Variants in TLCD4 observed in about 807,000 individuals in gnomAD.
TLCD4 encodes the protein TLC domain containing 4, also known as TLC domain-containing protein 4.
A neutral mutation model predicts 24.2 loss-of-function variants in TLCD4; 7 were observed. The ratio of observed to expected loss-of-function variants is 0.29; its 90% CI spans 0.16 to 0.54. The LOEUF is 0.54. Among genes scored for constraint, TLCD4 ranks in the 20% least tolerant of loss-of-function variants. The pLI is 0.95. For synonymous variants in TLCD4, 103 were observed against 106.4 expected, an observed-to-expected ratio of 0.97 and a Z score of 0.20; for missense variants, 259 against 313.9, an observed-to-expected ratio of 0.82 and a Z score of 1.32.
At chr1:95,149,915 T>G (rs1345320808) in intron 3 of TLCD4, among the ~76,000 whole-genome samples, 1 of 152,186 alleles carries the variant, frequency 6.6e-6, no homozygotes, top group East Asian at 1.9e-4. Flanking sequence ...TATTAAATAT[T>G]TGTAGTCCAG....
chr1:95,184,211 T>C (rs1678750842), intron 6 of TLCD4, among the ~76,000 whole-genome samples: 1 of 152,200 alleles, frequency 6.6e-6, no homozygotes, highest in Non-Finnish European at 1.5e-5. Flanking sequence ...CTTAAAATTC[T>C]CTTCATTCCT....
intron 5 of TLCD4, among the ~76,000 whole-genome samples, chr1:95,168,634 C>T (rs1557692363): frequency 7.0e-6 from 1 of 142,600 alleles, no homozygotes; most frequent in Non-Finnish European, 1.5e-5. Context: ...AATGATCCTC[C>T]TGCCTCTGCT....
At chr1:95,114,564 G>T (rs1676393986), upstream of TLCD4, among the ~76,000 whole-genome samples, 1 of 152,102 alleles carries the variant, frequency 6.6e-6, no homozygotes, top group South Asian at 2.1e-4. Flanking sequence ...GGCTGGACAT[G>T]GTAGCCTGTA....
rs569826856 is a variant in TLCD4, at chr1:95,186,846, G to A, written c.474-4704G>A. Reference sequence around the variant, plus strand: ...TTTATCCTACATAAACTTATAAAATGTAATACATCTCTCATCCTATATAAA... The same window carrying A: ...TTTATCCTACATAAACTTATAAAATATAATACATCTCTCATCCTATATAAA... On this transcript the variant is annotated intron_variant, in intron 6 of 6. Coordinates refer to ENST00000370203, the MANE Select transcript of TLCD4 (RefSeq NM_152487.3). Among the ~76,000 whole-genome samples the A allele has an allele frequency of 3.3e-5, 5 of 152,258 alleles. No homozygotes were observed. In the South Asian group the frequency reaches 6.2e-4, roughly 19 times the overall value.
chr1:95,099,399 ATTTACAATGACTTTC>A, the TLCD4 span, among the ~76,000 whole-genome samples: 2 of 152,224 alleles, frequency 1.3e-5, no homozygotes, highest in Non-Finnish European at 2.9e-5. Context: ...TCAAATTCAC[ATTTACAATGACTTTC>A]TGTATGCACT....
chr1:95,112,232 C>T, the TLCD4 span, among the ~76,000 whole-genome samples: 1 of 152,012 alleles, frequency 6.6e-6, no homozygotes. Context: ...CCTCCTTCTG[C>T]CCCGTTTGAG....
chr1:95,186,198 A>G (rs1476812246), intron 6 of TLCD4, among the ~76,000 whole-genome samples: 1 of 152,194 alleles, frequency 6.6e-6, no homozygotes, highest in African/African-American at 2.4e-5. Context: ...ATTTATCCCC[A>G]TTTATAGAGA....
chr1:95,187,127 T>C (rs1280469870), intron 6 of TLCD4, among the ~76,000 whole-genome samples: 3 of 152,212 alleles, frequency 2.0e-5, no homozygotes, highest in African/African-American at 7.2e-5. Context: ...TTTTTATCTT[T>C]AGAATAGTTT....
chr1:95,172,366 T>C (rs1571770169), intron 5 of TLCD4, among the ~76,000 whole-genome samples: 2 of 152,358 alleles, frequency 1.3e-5, no homozygotes, highest in South Asian at 4.1e-4. Context: ...TATAGAATAA[T>C]AATTTCAAAT....
chr1:95,115,556 T>C (rs145345580), upstream of TLCD4, among the ~76,000 whole-genome samples: 179 of 152,358 alleles, frequency 1.2e-3, no homozygotes, highest in African/African-American at 4.1e-3. Flanking sequence ...ATTCCTCTCA[T>C]AGCTCAGGCC....
In TLCD4 at chr1:95,131,077, G is replaced by A. The variant is rs550789229; in HGVS notation, c.-11-12814G>A. On this transcript the variant is annotated intron_variant, in intron 1 of 6. Transcript: ENST00000370203. ...CTGTTTTATTTAACATATTTATTGAGCATAAATTACATGGAAGACATTGTG... is the reference window on the plus strand; with the variant it reads ...CTGTTTTATTTAACATATTTATTGAACATAAATTACATGGAAGACATTGTG... Among the ~76,000 whole-genome samples, 9 of 152,254 alleles carry A rather than the reference G, an allele frequency of 5.9e-5. No homozygotes were observed. In the East Asian group the frequency reaches 1.4e-3, roughly 23 times the overall value.
At chr1:95,117,059 G>A (rs2100892984), upstream of TLCD4, among the ~76,000 whole-genome samples, 1 of 152,312 alleles carries the variant, frequency 6.6e-6, no homozygotes, top group East Asian at 1.9e-4. Context: ...TTTTTGTTAC[G>A]TGGCTAGCCC....
intron 1 of TLCD4, among the ~76,000 whole-genome samples, chr1:95,135,563 A>T (rs1677019620): frequency 6.6e-6 from 1 of 151,612 alleles, no homozygotes; most frequent in Non-Finnish European, 1.5e-5. Flanking sequence ...ACGCCCGGCT[A>T]ATTTTTGTAT....
chr1:95,114,354 G>A (rs541262921), upstream of TLCD4, among the ~76,000 whole-genome samples: 8 of 152,188 alleles, frequency 5.3e-5, no homozygotes, highest in East Asian at 1.9e-4. Context: ...AATGTTTGGC[G>A]TCATTTAGTT....
intron 1 of TLCD4, among the ~76,000 whole-genome samples, chr1:95,124,130 C>T (rs1183378082): frequency 6.6e-6 from 1 of 152,058 alleles, no homozygotes; most frequent in African/African-American, 2.4e-5. Flanking sequence ...TTTATATTCC[C>T]CTTTGTTTCA....
At chr1:95,170,423 A>G (rs1300958962) in intron 5 of TLCD4, among the ~76,000 whole-genome samples, 1 of 143,946 alleles carries the variant, frequency 6.9e-6, no homozygotes, top group Non-Finnish European at 1.5e-5. Context: ...TCCGCCTCCC[A>G]GGTTCACGCC....
chr1:95,153,033 GC>G (rs34200110), intron 5 of TLCD4, among the ~76,000 whole-genome samples: 23,406 of 151,708 alleles, frequency 0.15, 1,957 homozygotes, highest in Non-Finnish European at 0.18. Context: ...CATTCAATAT[GC>G]ATCAATTTCC....
At chr1:95,139,904 G>A (rs1394909783) in intron 1 of TLCD4, among the ~76,000 whole-genome samples, 1 of 151,882 alleles carries the variant, frequency 6.6e-6, no homozygotes, top group African/African-American at 2.4e-5. Context: ...TGTTAAAAAC[G>A]AAGACTCAGA....
intron 6 of TLCD4, among the ~76,000 whole-genome samples, chr1:95,181,575 G>A (rs1277026130): frequency 1.0e-5 from 1 of 95,884 alleles, no homozygotes; most frequent in East Asian, 2.8e-4. Context: ...TTTTAAATTT[G>A]TTTAATTATT....
Sources: allele counts gnomAD v4.1 joint callset (sites outside exome capture counted in the v4.1 genomes callset), GRCh38; gene constraint gnomAD v4.1.1; transcripts MANE v1.5; gene names NCBI Gene and HGNC (gene_info 2026-07-23, HGNC 2026-07-21).